Variants in FAM184B observed in about 807,000 individuals in gnomAD.
FAM184B encodes the protein protein FAM184B.
Under a neutral mutation model 135.9 loss-of-function variants are expected in FAM184B, and 111 were observed. That is an observed-to-expected ratio of 0.82 (90% confidence interval 0.70 to 0.96). FAM184B has a LOEUF of 0.96. Among genes scored for constraint, FAM184B ranks in the 40% least tolerant of loss-of-function variants. FAM184B has a pLI of 0.00. For synonymous variants in FAM184B, 552 were observed against 524.8 expected, an observed-to-expected ratio of 1.05 and a Z score of -0.71; for missense variants, 1,375 against 1,323.9, an observed-to-expected ratio of 1.04 and a Z score of -0.60.
intron 2 of FAM184B, 84 bp downstream of exon 2, chr4:17,708,808 A>T: frequency 7.1e-7 from 1 of 1,413,368 alleles, no homozygotes; most frequent in Non-Finnish European, 9.3e-7. Context: ...AGTGCTTAGC[A>T]CAGTGCCTGA....
At chr4:17,707,581 C>T (rs1717146764) in intron 3 of FAM184B, 68 bp downstream of exon 3, 1 of 1,534,580 alleles carries the variant, frequency 6.5e-7, no homozygotes, top group Admixed American at 2.0e-5. Context: ...CTTAGGCTGC[C>T]AGTAGCACCA....
chr4:17,660,820 A>G (rs1160049126), intron 8 of FAM184B, among the ~76,000 whole-genome samples: 2 of 152,004 alleles, frequency 1.3e-5, no homozygotes, highest in African/African-American at 2.4e-5. Context: ...GGTTCTCTGG[A>G]GAGATTGCCA....
At position 17,630,765 on chromosome 4, in the gene FAM184B, TTATATG is replaced by T. The variant is rs1236240590; in HGVS notation, c.*1761_*1766del. Reference sequence around the variant, plus strand: ...TACCTTTAATACGTAAGTTTGACAGTTATATGTAATCAGCTTTTTTTTTTTTAAGAT... The same window carrying T: ...TACCTTTAATACGTAAGTTTGACAGTTAATCAGCTTTTTTTTTTTTAAGAT... On this transcript the variant is annotated 3_prime_UTR_variant, in exon 18 of 18. Transcript: ENST00000265018. 1 of 136,962 alleles carries T rather than the reference TTATATG, an allele frequency of 7.3e-6. No homozygotes were observed. Among genetic ancestry groups the T allele is most frequent in the Non-Finnish European group, 1.6e-5 (1 of 62,940 alleles). 8.5% of individuals were successfully genotyped at this position (136,962 alleles called of 1,614,324 possible).
At chr4:17,700,140 G>T (rs565731078) in intron 5 of FAM184B, among the ~76,000 whole-genome samples, 61 of 152,230 alleles carry the variant, frequency 4.0e-4, no homozygotes, top group African/African-American at 1.4e-3. Context: ...ACGGGAAAAG[G>T]GGGTGGGGAA....
At chr4:17,688,072 A>G (rs992815512) in intron 7 of FAM184B, among the ~76,000 whole-genome samples, 2 of 152,062 alleles carry the variant, frequency 1.3e-5, no homozygotes, top group Non-Finnish European at 2.9e-5. Flanking sequence ...GGGGCAAGAG[A>G]GGGGCTTTTA....
chr4:17,713,748 A>G lies in FAM184B; in HGVS notation c.142-4104T>C, dbSNP rs556199526. On this transcript the variant is annotated intron_variant, in intron 1 of 17. Coordinates refer to ENST00000265018, the MANE Select transcript of FAM184B (RefSeq NM_015688.2). ...GTGCCACACTGCATCTCACCGTCTCACTCAGTCATTTATTCATTCGCGGAT... is the reference window on the plus strand; with the variant it reads ...GTGCCACACTGCATCTCACCGTCTCGCTCAGTCATTTATTCATTCGCGGAT... Among the ~76,000 whole-genome samples, 59 of 152,212 alleles carry G rather than the reference A, an allele frequency of 3.9e-4. 1 individual carries two copies. In the South Asian group the frequency reaches 0.012, roughly 32 times the overall value.
At chr4:17,680,236 A>G (rs1181376630) in intron 7 of FAM184B, among the ~76,000 whole-genome samples, 1 of 152,184 alleles carries the variant, frequency 6.6e-6, no homozygotes, top group African/African-American at 2.4e-5. Flanking sequence ...ATAGTTTTTG[A>G]TGTCATTAAA....
At chr4:17,731,490 A>G (rs2108978047) in intron 1 of FAM184B, among the ~76,000 whole-genome samples, 1 of 152,324 alleles carries the variant, frequency 6.6e-6, no homozygotes, top group African/African-American at 2.4e-5. Context: ...AAGATCTACC[A>G]AGCAAATGGA....
At chr4:17,669,699 C>T (rs1716127929) in intron 7 of FAM184B, among the ~76,000 whole-genome samples, 1 of 152,080 alleles carries the variant, frequency 6.6e-6, no homozygotes. Flanking sequence ...AGCCTGAAAA[C>T]ATAAGGCAAA....
chr4:17,704,693 G>A (rs1717066360), intron 5 of FAM184B, among the ~76,000 whole-genome samples: 1 of 152,166 alleles, frequency 6.6e-6, no homozygotes, highest in African/African-American at 2.4e-5. Flanking sequence ...AGAGTAAGTA[G>A]AGTTGAATTT....
At chr4:17,761,274 C>T (rs1426187042) in intron 1 of FAM184B, among the ~76,000 whole-genome samples, 1 of 151,982 alleles carries the variant, frequency 6.6e-6, no homozygotes, top group African/African-American at 2.4e-5. Flanking sequence ...CCTGTGTGCA[C>T]ACAGGAAAGG....
At position 17,781,324 on chromosome 4, in the gene FAM184B, ACT is replaced by A. The variant is rs1363410669; in HGVS notation, c.-27_-26del. On this transcript the variant is annotated 5_prime_UTR_variant, in exon 1 of 18. Transcript: ENST00000265018. The surrounding 1 kb of genome is among the most constrained non-coding windows in gnomAD (Gnocchi z 6.5). ...TCGCTAAAACGCGCCCAGCACTCAGACTCTCTCGTTTTCTCCCTGCCCACCGT... is the reference window on the plus strand; with the variant it reads ...TCGCTAAAACGCGCCCAGCACTCAGACTCTCGTTTTCTCCCTGCCCACCGT... 1.1e-5 allele frequency: 16 copies of A among 1,504,178 alleles called. No individual in the cohort carries two copies. The East Asian group carries it at 2.1e-4, about 20-fold the overall frequency. 93.2% of individuals were successfully genotyped at this position (1,504,178 alleles called of 1,614,324 possible).
rs187799930 is a variant in FAM184B, at chr4:17,643,105, G to T, written c.2347-877C>A. Among the ~76,000 whole-genome samples, 178 of 152,352 alleles carry T rather than the reference G, an allele frequency of 1.2e-3. 3 individuals are homozygous for T. In the South Asian group the frequency reaches 0.025, roughly 21 times the overall value. Reference sequence around the variant, plus strand: ...ACATGCATAGCCTGGAAGAGCAAGAGCAGGGGGGTTACTGCTCTGTGGGGA... The same window carrying T: ...ACATGCATAGCCTGGAAGAGCAAGATCAGGGGGGTTACTGCTCTGTGGGGA... On this transcript the variant is annotated intron_variant, in intron 12 of 17. Transcript: ENST00000265018.
chr4:17,738,243 G>C (rs1393036932), intron 1 of FAM184B, among the ~76,000 whole-genome samples: 4 of 151,980 alleles, frequency 2.6e-5, no homozygotes, highest in Non-Finnish European at 5.9e-5. Flanking sequence ...GGGTTGGAAG[G>C]GTATGAATTC....
Position 17,642,073 on chromosome 4 carries a change from C to T in FAM184B, c.2502G>A (p.Lys834=). 1 of 1,531,452 alleles carries T rather than the reference C, an allele frequency of 6.5e-7. No individual in the cohort carries two copies. The highest frequency in any genetic ancestry group is 1.2e-5 in the South Asian group (1 of 83,822). 94.9% of individuals were successfully genotyped at this position (1,531,452 alleles called of 1,614,324 possible). ...TCACCCACCTGCGCTGGTCTCGGAG[C>T]TTCTGCGCCTCCTGCTGATGCTGCT... ...EVEQHQQEAQ[K]LRDQRRFLEE... Residue 834 remains lysine (K), a synonymous_variant, in exon 13 of 18, where the codon AAG becomes AAA. Coordinates refer to ENST00000265018, the MANE Select transcript of FAM184B (RefSeq NM_015688.2).
At chr4:17,693,591 C>G (rs542122222) in intron 5 of FAM184B, among the ~76,000 whole-genome samples, 179 bp from the exon 6 acceptor site, 18 of 152,108 alleles carry the variant, frequency 1.2e-4, no homozygotes, top group Non-Finnish European at 2.5e-4. Context: ...AACGTCACAA[C>G]ACAAAGCCTG....
At chr4:17,718,508 T>C (rs1717446281) in intron 1 of FAM184B, among the ~76,000 whole-genome samples, 1 of 152,236 alleles carries the variant, frequency 6.6e-6, no homozygotes, top group African/African-American at 2.4e-5. Flanking sequence ...GTCCGTATAA[T>C]AATCTTCGCC....
chr4:17,729,283 A>G (rs908514948), intron 1 of FAM184B, among the ~76,000 whole-genome samples: 3 of 152,244 alleles, frequency 2.0e-5, no homozygotes, highest in Non-Finnish European at 2.9e-5. Flanking sequence ...CCACAGCTCA[A>G]GGAGGCCTGC....
In FAM184B at chr4:17,705,038, G is replaced by A. The variant is rs756474638; in HGVS notation, c.1339C>T (p.Arg447Cys). ...KKHTVEIKSVRSSVEAERKKL... is the reference protein window; with the variant it reads ...KKHTVEIKSVCSSVEAERKKL... Reference sequence around the variant, plus strand: ...TTTCTTTCAGCCTCCACGGACGAGCGAACGGATTTGATTTCCACGGTGTGC... The same window carrying A: ...TTTCTTTCAGCCTCCACGGACGAGCAAACGGATTTGATTTCCACGGTGTGC... The change falls in exon 5 of 18, where the codon CGC (arginine) becomes TGC (cysteine). Residue 447 changes from arginine (R) to cysteine (C), a missense_variant. Transcript: ENST00000265018. The A allele has an allele frequency of 1.6e-5, 25 of 1,551,612 alleles. No homozygotes were observed. In the South Asian group the frequency reaches 1.7e-4, roughly 10 times the overall value.
Sources: allele counts gnomAD v4.1 joint callset (sites outside exome capture counted in the v4.1 genomes callset), GRCh38; gene constraint gnomAD v4.1.1; non-coding constraint Gnocchi (gnomAD v3.1); transcripts MANE v1.5; gene names NCBI Gene and HGNC (gene_info 2026-07-23, HGNC 2026-07-21).